ROR1: variants seen among roughly 807,000 people sequenced by gnomAD.
ROR1 encodes the protein inactive tyrosine-protein kinase transmembrane receptor ROR1.
In ROR1, 19 loss-of-function variants were observed where a neutral mutation model predicts 78.8. That is an observed-to-expected ratio of 0.24 (90% CI 0.17 to 0.35). The LOEUF (loss-of-function observed/expected upper bound fraction) is 0.35. ROR1 is among the 10% of genes least tolerant of loss of function. The probability of loss-of-function intolerance (pLI) is 1.00; values close to 1 mark genes in which losing one functional copy is unlikely to be tolerated. For synonymous variants in ROR1, 386 were observed against 433.6 expected, an observed-to-expected ratio of 0.89 and a Z score of 1.36; for missense variants, 917 against 1,177.8, an observed-to-expected ratio of 0.78 and a Z score of 3.24.
chr1:63,914,430 G>A (rs1328586578), intron 1 of ROR1, among the ~76,000 whole-genome samples: 1 of 152,158 alleles, frequency 6.6e-6, no homozygotes. Flanking sequence ...GTAGCATGCT[G>A]CAGGGTGCTG....
At chr1:64,043,808 T>C (rs1413473034) in intron 2 of ROR1, among the ~76,000 whole-genome samples, 1 of 152,212 alleles carries the variant, frequency 6.6e-6, no homozygotes, top group African/African-American at 2.4e-5. Flanking sequence ...CCTTAACTTC[T>C]CTGTGTCTCA....
chr1:63,788,314 C>T (rs1280409635), intron 1 of ROR1, among the ~76,000 whole-genome samples: 1 of 152,140 alleles, frequency 6.6e-6, no homozygotes, highest in African/African-American at 2.4e-5. Context: ...ACCCATTATC[C>T]TACCATTCAG....
chr1:63,794,800 G>C (rs1483696571), intron 1 of ROR1, among the ~76,000 whole-genome samples: 2 of 152,210 alleles, frequency 1.3e-5, no homozygotes, highest in African/African-American at 4.8e-5. Context: ...CTCCCATTTT[G>C]TAAGTCCTGA....
intron 4 of ROR1, among the ~76,000 whole-genome samples, chr1:64,114,988 C>T (rs1569792544): frequency 6.6e-6 from 1 of 152,194 alleles, no homozygotes; most frequent in Non-Finnish European, 1.5e-5. Flanking sequence ...GTTTTTGAGA[C>T]GAGGTCTCAC....
chr1:63,843,051 T>C, intron 1 of ROR1: 3 of 478,890 alleles, frequency 6.3e-6, no homozygotes, highest in Non-Finnish European at 1.2e-5. Context: ...GGGATCTGTT[T>C]GGCAACTGGA....
intron 1 of ROR1, among the ~76,000 whole-genome samples, chr1:63,815,706 G>T (rs1019823259): frequency 1.3e-5 from 2 of 152,002 alleles, no homozygotes; most frequent in African/African-American, 4.8e-5. Flanking sequence ...GGATCTGTGG[G>T]AGCTTTTCTA....
intron 1 of ROR1, among the ~76,000 whole-genome samples, chr1:63,791,839 C>T (rs1644728896): frequency 1.3e-5 from 2 of 151,958 alleles, no homozygotes; most frequent in Admixed American, 6.6e-5. Flanking sequence ...TATCTGAGAT[C>T]GAGGATTTAG....
At chr1:64,040,534 C>T (rs1000247972) in intron 2 of ROR1, among the ~76,000 whole-genome samples, 1 of 152,124 alleles carries the variant, frequency 6.6e-6, no homozygotes, top group African/African-American at 2.4e-5. Flanking sequence ...TAATAAACTA[C>T]CATAGACTGG....
At chr1:63,785,302 G>A (rs1426398057) in intron 1 of ROR1, among the ~76,000 whole-genome samples, 1 of 152,046 alleles carries the variant, frequency 6.6e-6, no homozygotes, top group African/African-American at 2.4e-5. Flanking sequence ...AACTTCCATT[G>A]TGGTGATGGA....
intron 1 of ROR1, among the ~76,000 whole-genome samples, chr1:63,928,777 G>T (rs1569927231): frequency 6.6e-6 from 1 of 152,148 alleles, no homozygotes; most frequent in Non-Finnish European, 1.5e-5. Context: ...GAATAAATGG[G>T]TTAATACAAA....
intron 1 of ROR1, among the ~76,000 whole-genome samples, chr1:63,805,777 A>C (rs1644824818): frequency 6.6e-6 from 1 of 152,198 alleles, no homozygotes; most frequent in African/African-American, 2.4e-5. Flanking sequence ...CCACTTTGGA[A>C]GGTGGAAGCA....
chr1:64,145,258 T>A (rs60050465), intron 7 of ROR1, among the ~76,000 whole-genome samples: 1 of 152,124 alleles, frequency 6.6e-6, no homozygotes, highest in Non-Finnish European at 1.5e-5. Context: ...GTATGTATGA[T>A]ACAATAGAAG....
At chr1:64,051,467 TAAAA>T (rs1646830443) in intron 4 of ROR1, among the ~76,000 whole-genome samples, 1 of 24,658 alleles carries the variant, frequency 4.1e-5, no homozygotes, top group Admixed American at 7.9e-4. Context: ...AAAAATAAAA[TAAAA>T]TAAAATAAAA....
intron 1 of ROR1, among the ~76,000 whole-genome samples, chr1:63,949,742 G>T (rs1557578349): frequency 6.6e-6 from 1 of 152,052 alleles, no homozygotes; most frequent in Non-Finnish European, 1.5e-5. Context: ...GCCATTTTCA[G>T]ACATGCTTAA....
intron 1 of ROR1, among the ~76,000 whole-genome samples, chr1:63,824,542 G>T (rs904950993): frequency 6.6e-6 from 1 of 152,138 alleles, no homozygotes; most frequent in Non-Finnish European, 1.5e-5. Flanking sequence ...CTGGGGTAGG[G>T]TCTCAGAAGC....
At chr1:64,059,248 G>T (rs1646898026) in intron 4 of ROR1, among the ~76,000 whole-genome samples, 1 of 152,022 alleles carries the variant, frequency 6.6e-6, no homozygotes, top group African/African-American at 2.4e-5. Flanking sequence ...TGTTGGCAAA[G>T]AACTAACTTT....
chr1:64,120,358 A>G (rs1289155835), intron 4 of ROR1, among the ~76,000 whole-genome samples: 2 of 152,204 alleles, frequency 1.3e-5, no homozygotes, highest in African/African-American at 2.4e-5. Flanking sequence ...GTGGAACCAC[A>G]TACGTCATCT....
In ROR1 at chr1:63,869,229, C is replaced by T. The variant is rs934978313; in HGVS notation, c.91+94721C>T. Reference sequence around the variant, plus strand: ...GGATGTCCCTAATATGCATGGCAAGCCCTCGACAATGATTATGGCAGTTGT... The same window carrying T: ...GGATGTCCCTAATATGCATGGCAAGTCCTCGACAATGATTATGGCAGTTGT... On this transcript the variant is annotated intron_variant, in intron 1 of 8. Coordinates refer to ENST00000371079, the MANE Select transcript of ROR1 (RefSeq NM_005012.4). 2.0e-5 allele frequency among the ~76,000 whole-genome samples: 3 copies of T among 152,190 alleles called. No homozygotes were observed. The South Asian group carries it at 6.2e-4, about 31-fold the overall frequency.
At chr1:64,052,143 G>A (rs1290994718) in intron 4 of ROR1, among the ~76,000 whole-genome samples, 1 of 150,058 alleles carries the variant, frequency 6.7e-6, no homozygotes, top group Non-Finnish European at 1.5e-5. Flanking sequence ...AAACAGGTCA[G>A]AAATTTGGTC....
Sources: gnomAD v4.1 joint callset for allele counts (sites outside exome capture counted in the v4.1 genomes callset) on GRCh38, gnomAD v4.1.1 for gene constraint, MANE v1.5 for transcripts, NCBI Gene and HGNC (gene_info 2026-07-23, HGNC 2026-07-21) for gene names.